Variants in FSTL5 observed in about 807,000 individuals in gnomAD.
FSTL5 encodes the protein follistatin like 5, also known as follistatin-related protein 5.
Under a neutral mutation model 89.1 loss-of-function variants are expected in FSTL5, and 62 were observed. The observed-to-expected ratio is 0.70, with a 90% CI of 0.57 to 0.86. The LOEUF (loss-of-function observed/expected upper bound fraction) is 0.86. FSTL5 is among the 40% of genes least tolerant of loss of function. The pLI is 0.00. For synonymous variants in FSTL5, 383 were observed against 346.2 expected, an observed-to-expected ratio of 1.11 and a Z score of -1.18; for missense variants, 1,057 against 1,001.6, an observed-to-expected ratio of 1.06 and a Z score of -0.75.
intron 3 of FSTL5, among the ~76,000 whole-genome samples, chr4:162,009,142 A>T (rs957584085): frequency 6.6e-6 from 1 of 152,066 alleles, no homozygotes; most frequent in South Asian, 2.1e-4. Flanking sequence ...AACAATAATC[A>T]GAACCGAAAG....
At position 161,784,901 on chromosome 4, in the gene FSTL5, C is replaced by CA. The variant is rs1402887255; in HGVS notation, c.410-8828dup. On this transcript the variant is annotated intron_variant, in intron 4 of 15. Coordinates refer to ENST00000306100, the MANE Select transcript of FSTL5 (RefSeq NM_020116.5). ...GAGCAAGACTCCGTCTCAAAAAAAA[C>CA]AAAAACAAACAAACAAAAAAAAGAA... Among the ~76,000 whole-genome samples, 235 of 122,450 alleles carry CA rather than the reference C, an allele frequency of 1.9e-3. 26 individuals carry two copies. In the East Asian group the frequency reaches 0.049, roughly 25 times the overall value. The allele number at this position is 122,450 out of a possible 152,430, so 80.3% of individuals were successfully genotyped here.
At chr4:161,834,034 A>G (rs551570596) in intron 4 of FSTL5, among the ~76,000 whole-genome samples, 2 of 152,310 alleles carry the variant, frequency 1.3e-5, no homozygotes, top group South Asian at 2.1e-4. Flanking sequence ...CTTGATGAAC[A>G]TTGATGCAAA....
chr4:161,862,659 G>T (rs1731956378), intron 4 of FSTL5, among the ~76,000 whole-genome samples: 1 of 152,124 alleles, frequency 6.6e-6, no homozygotes, highest in African/African-American at 2.4e-5. Flanking sequence ...TTGAACCCAG[G>T]AAGCAGAGGT....
intron 4 of FSTL5, among the ~76,000 whole-genome samples, chr4:161,832,412 A>G (rs1730876731): frequency 6.6e-6 from 1 of 152,000 alleles, no homozygotes; most frequent in South Asian, 2.1e-4. Flanking sequence ...GTTAGGGAGG[A>G]TTCCCTCTTT....
At chr4:161,686,278 A>G (rs566653009) in intron 6 of FSTL5, among the ~76,000 whole-genome samples, 21 of 124,760 alleles carry the variant, frequency 1.7e-4, no homozygotes, top group Non-Finnish European at 2.9e-4. Context: ...AGAATGATTT[A>G]GGAGGGGTTC....
chr4:161,912,808 G>T (rs1320341731), intron 4 of FSTL5, among the ~76,000 whole-genome samples: 2 of 152,164 alleles, frequency 1.3e-5, no homozygotes, highest in African/African-American at 4.8e-5. Context: ...GAAACTCCTA[G>T]CGACTTCTTG....
At chr4:161,406,650 C>A (rs1190817065) in intron 15 of FSTL5, among the ~76,000 whole-genome samples, 1 of 152,150 alleles carries the variant, frequency 6.6e-6, no homozygotes, top group Non-Finnish European at 1.5e-5. Context: ...GTCTATTTCA[C>A]CTTTCAATGC....
intron 4 of FSTL5, among the ~76,000 whole-genome samples, chr4:161,895,599 T>C (rs1009911722): frequency 6.6e-6 from 1 of 152,176 alleles, no homozygotes; most frequent in East Asian, 1.9e-4. Context: ...GTTTTGATGC[T>C]ATGAATGATA....
intron 2 of FSTL5, among the ~76,000 whole-genome samples, chr4:162,050,147 TTTCCGCAA>T (rs1738332172): frequency 1.3e-5 from 2 of 151,762 alleles, no homozygotes; most frequent in Non-Finnish European, 2.9e-5. Context: ...TAAAATAAAT[TTTCCGCAA>T]GTGAATACAC....
At chr4:161,770,476 CTACT>C (rs1371719102) in intron 5 of FSTL5, among the ~76,000 whole-genome samples, 16 of 151,560 alleles carry the variant, frequency 1.1e-4, no homozygotes, top group Admixed American at 7.2e-4. Flanking sequence ...GTATATATAC[CTACT>C]ATGTACTCAT....
intron 4 of FSTL5, among the ~76,000 whole-genome samples, chr4:161,795,557 A>T (rs1729608149): frequency 6.6e-6 from 1 of 152,134 alleles, no homozygotes; most frequent in Admixed American, 6.5e-5. Context: ...GTTTCAATAT[A>T]CACAGAGTGA....
chr4:161,693,793 C>A (rs1406873566), intron 6 of FSTL5, among the ~76,000 whole-genome samples: 1 of 151,756 alleles, frequency 6.6e-6, no homozygotes, highest in Non-Finnish European at 1.5e-5. Context: ...TGCCAGCCAC[C>A]ACGCCCGGCT....
At chr4:162,015,572 G>A (rs1736893867) in intron 3 of FSTL5, among the ~76,000 whole-genome samples, 1 of 152,128 alleles carries the variant, frequency 6.6e-6, no homozygotes, top group Non-Finnish European at 1.5e-5. Context: ...GGATATGGGG[G>A]GTGATGGATA....
At chr4:162,076,738 G>T (rs1305491224) in intron 2 of FSTL5, among the ~76,000 whole-genome samples, 1 of 151,616 alleles carries the variant, frequency 6.6e-6, no homozygotes, top group African/African-American at 2.4e-5. Flanking sequence ...ATAAGCTAAG[G>T]GCTTCATATG....
At chr4:161,914,380 C>A (rs1309155084) in intron 4 of FSTL5, among the ~76,000 whole-genome samples, 1 of 152,050 alleles carries the variant, frequency 6.6e-6, no homozygotes, top group Non-Finnish European at 1.5e-5. Context: ...ATATATATCA[C>A]AGGGGAAAAT....
At chr4:161,657,317 T>C (rs1736553301) in intron 6 of FSTL5, among the ~76,000 whole-genome samples, 1 of 152,236 alleles carries the variant, frequency 6.6e-6, no homozygotes, top group Admixed American at 6.5e-5. Context: ...TGACCTTTTG[T>C]TTCCTGCTGA....
chr4:161,584,285 A>T (rs1733533479), intron 8 of FSTL5, among the ~76,000 whole-genome samples: 2 of 152,114 alleles, frequency 1.3e-5, no homozygotes, highest in African/African-American at 4.8e-5. Context: ...GGACGTCCTC[A>T]TGCTCCTACA....
At chr4:161,408,250 T>C (rs934162711) in intron 15 of FSTL5, among the ~76,000 whole-genome samples, 1 of 152,160 alleles carries the variant, frequency 6.6e-6, no homozygotes, top group Non-Finnish European at 1.5e-5. Flanking sequence ...AGTAAGAACC[T>C]ATCTACTGCC....
chr4:161,496,504 A>C lies in FSTL5; in HGVS notation c.1458+3512T>G, dbSNP rs1031025569. 4.6e-5 allele frequency among the ~76,000 whole-genome samples: 7 copies of C among 152,260 alleles called. 1 individual carries two copies. The South Asian group carries it at 8.3e-4, about 18-fold the overall frequency. ...GAGCAAAGACTAAGGTTTTTTCAAA[A>C]AGAAGGAATTCTACCTTAAGACTTC... On this transcript the variant is annotated intron_variant, in intron 12 of 15. Coordinates refer to ENST00000306100, the MANE Select transcript of FSTL5 (RefSeq NM_020116.5).
Sources: allele counts gnomAD v4.1 joint callset (sites outside exome capture counted in the v4.1 genomes callset), GRCh38; gene constraint gnomAD v4.1.1; transcripts MANE v1.5; gene names NCBI Gene and HGNC (gene_info 2026-07-23, HGNC 2026-07-21).